Variants in DISC1 observed in about 807,000 individuals in gnomAD.
DISC1 encodes DISC1 scaffold protein.
Under a neutral mutation model 84.5 loss-of-function variants are expected in DISC1, and 57 were observed. The ratio of observed to expected loss-of-function variants is 0.67; its 90% CI spans 0.55 to 0.84. The LOEUF (loss-of-function observed/expected upper bound fraction) is 0.84, where lower values mean the gene tolerates loss of function less well. Ranked by LOEUF, DISC1 falls within the 40% of genes least tolerant of loss-of-function variation. The pLI is 0.00. For synonymous variants in DISC1, 411 were observed against 415.2 expected, an observed-to-expected ratio of 0.99 and a Z score of 0.12; for missense variants, 1,000 against 1,057.8, an observed-to-expected ratio of 0.95 and a Z score of 0.76.
chr1:231,785,521 C>T (rs1446084858), intron 6 of DISC1, among the ~76,000 whole-genome samples: 3 of 151,712 alleles, frequency 2.0e-5, no homozygotes, highest in South Asian at 2.1e-4. Flanking sequence ...CTTGAACTCC[C>T]GCGCTCAAGT....
chr1:231,754,063 A>G (rs1171917458), intron 4 of DISC1, among the ~76,000 whole-genome samples: 2 of 152,112 alleles, frequency 1.3e-5, no homozygotes, highest in African/African-American at 4.8e-5. Context: ...TAACCATTCA[A>G]TCAGTTTCTA....
chr1:231,994,153 G>T (rs1665594640), intron 10 of DISC1, among the ~76,000 whole-genome samples: 1 of 152,230 alleles, frequency 6.6e-6, no homozygotes, highest in Non-Finnish European at 1.5e-5. Context: ...ATTTGGGAAG[G>T]TCTTGCCTGG....
chr1:231,991,522 A>G (rs749698772), intron 10 of DISC1, among the ~76,000 whole-genome samples: 21 of 152,192 alleles, frequency 1.4e-4, no homozygotes, highest in Non-Finnish European at 2.6e-4. Context: ...AAGGGCACTT[A>G]CTAGGAAGCC....
chr1:231,897,077 A>G lies in DISC1; in HGVS notation c.1982-61751A>G, dbSNP rs2087751295. Among the ~76,000 whole-genome samples, 1 of 152,178 alleles carries G rather than the reference A, an allele frequency of 6.6e-6. No individual in the cohort carries two copies. Among genetic ancestry groups the G allele is most frequent in the Non-Finnish European group, 1.5e-5 (1 of 68,032 alleles). Reference sequence around the variant, plus strand: ...ACAGCAGGAGTGAAGAAGGAGCTGGAAGGGGAAGGTGGGGATTCAGTTTGC... The same window carrying G: ...ACAGCAGGAGTGAAGAAGGAGCTGGGAGGGGAAGGTGGGGATTCAGTTTGC... On this transcript the variant is annotated intron_variant, in intron 9 of 12. Coordinates refer to ENST00000439617, the MANE Select transcript of DISC1 (RefSeq NM_018662.3). This position sits in a 1 kb window ranked among gnomAD's most constrained non-coding sequence, Gnocchi z 4.5.
intron 9 of DISC1, among the ~76,000 whole-genome samples, chr1:231,824,815 ATC>A (rs1056258284): frequency 5.3e-5 from 8 of 152,154 alleles, no homozygotes; most frequent in African/African-American, 1.4e-4. Flanking sequence ...ACTGAATTTT[ATC>A]TGAGTCTCAG....
chr1:231,764,829 G>A (rs1033962706), intron 4 of DISC1, among the ~76,000 whole-genome samples: 5 of 152,122 alleles, frequency 3.3e-5, no homozygotes, highest in Non-Finnish European at 2.9e-5. Context: ...TATGGTTTGG[G>A]AAAACCTTTG....
chr1:232,031,321 A>AAAAGG lies in DISC1; in HGVS notation c.2425+4778_2425+4782dup, dbSNP rs763079580. Among the ~76,000 whole-genome samples the AAAAGG allele has an allele frequency of 1.3e-3, 189 of 144,320 alleles. 1 individual carries two copies. The highest frequency in any genetic ancestry group is 2.1e-3 in the Non-Finnish European group (135 of 64,592). 94.7% of individuals were successfully genotyped at this position (144,320 alleles called of 152,430 possible). A position where few individuals can be genotyped will look rare whatever the true frequency, so the allele number is the denominator to read the frequency against. ...GAAGGAAGGAGAGAGGGAAGGAGAG[A>AAAAGG]AAAGGAAAGGAAAAGGAAAAGAGGA... On this transcript the variant is annotated intron_variant, in intron 12 of 12. Transcript: ENST00000439617. The surrounding 1 kb of genome is among the most constrained non-coding windows in gnomAD (Gnocchi z 4.6).
At chr1:231,887,389 G>A (rs2086850019) in intron 9 of DISC1, among the ~76,000 whole-genome samples, 1 of 152,182 alleles carries the variant, frequency 6.6e-6, no homozygotes, top group Non-Finnish European at 1.5e-5. Flanking sequence ...GAGTTATGTA[G>A]CGTTGACTTG....
intron 9 of DISC1, among the ~76,000 whole-genome samples, chr1:231,868,735 T>TATATATATATATATATATATA (rs2085244887): frequency 6.6e-5 from 8 of 120,602 alleles, no homozygotes; most frequent in East Asian, 2.4e-4. Flanking sequence ...TATATATATA[T>TATATATATATATATATATATA]TTAGCTGGGC....
chr1:231,676,906 G>A (rs1369704331), intron 1 of DISC1, among the ~76,000 whole-genome samples: 1 of 152,224 alleles, frequency 6.6e-6, no homozygotes, highest in Admixed American at 6.5e-5. Context: ...GGGTTAGAAA[G>A]CTAGTCCAGA....
At chr1:231,958,084 G>A (rs1431412899) in intron 9 of DISC1, among the ~76,000 whole-genome samples, 1 of 152,212 alleles carries the variant, frequency 6.6e-6, no homozygotes, top group Non-Finnish European at 1.5e-5. Context: ...CCCCTTGGCT[G>A]CAGGTGTTCT....
intron 11 of DISC1, among the ~76,000 whole-genome samples, chr1:232,015,471 T>C (rs1305563276): frequency 6.6e-6 from 1 of 152,116 alleles, no homozygotes; most frequent in Non-Finnish European, 1.5e-5. Context: ...GGAGGTGTTA[T>C]CCAATGAATC....
chr1:231,958,215 G>A (rs201237661), intron 9 of DISC1, among the ~76,000 whole-genome samples: 9 of 152,226 alleles, frequency 5.9e-5, no homozygotes, highest in African/African-American at 1.4e-4. Flanking sequence ...TATCCGTAAA[G>A]TGCCTCTTTG....
rs139548942 is a variant in DISC1, at chr1:231,749,862, C to T, written c.1118-64C>T. On this transcript the variant is annotated intron_variant, in intron 3 of 12. Transcript: ENST00000439617. ...CACTACAACTGGAGCTAAGAGACAC[C>T]GGGGTTATCTATTTTGCATTTCATG... 4.0e-4 allele frequency: 640 copies of T among 1,608,502 alleles called. 7 individuals are homozygous for T. In the African/African-American group the frequency reaches 6.5e-3, roughly 16 times the overall value.
intron 6 of DISC1, among the ~76,000 whole-genome samples, chr1:231,787,797 A>T (rs2078008167): frequency 6.6e-6 from 1 of 152,172 alleles, no homozygotes; most frequent in Non-Finnish European, 1.5e-5. Flanking sequence ...AGGCTCCCAG[A>T]TGAGACCACT....
In DISC1 at chr1:231,689,584, C is replaced by T. The variant is rs1977793; in HGVS notation, c.68-4242C>T. Among the ~76,000 whole-genome samples, 102 of 151,922 alleles carry T rather than the reference C, an allele frequency of 6.7e-4. 1 individual carries two copies. Among genetic ancestry groups the T allele is most frequent in the African/African-American group, 2.0e-3 (83 of 41,394 alleles). On this transcript the variant is annotated intron_variant, in intron 1 of 12. Transcript: ENST00000439617. Reference sequence around the variant, plus strand: ...TGACCTCAAGTGATCCACCCACCTCCGCCTCCCAAAGTGCTGGGATTACAG... The same window carrying T: ...TGACCTCAAGTGATCCACCCACCTCTGCCTCCCAAAGTGCTGGGATTACAG...
intron 9 of DISC1, among the ~76,000 whole-genome samples, chr1:231,852,862 A>G (rs914916546): frequency 6.6e-6 from 1 of 152,234 alleles, no homozygotes; most frequent in African/African-American, 2.4e-5. Flanking sequence ...TTTAACATGA[A>G]AAAGAAATAG....
At chr1:231,637,200 A>G (rs2059273992) in intron 1 of DISC1, among the ~76,000 whole-genome samples, 2 of 152,168 alleles carry the variant, frequency 1.3e-5, no homozygotes, top group Admixed American at 6.5e-5. Context: ...TACCCGGTCT[A>G]TCATTGATGG....
intron 9 of DISC1, among the ~76,000 whole-genome samples, chr1:231,820,303 T>C (rs2081394234): frequency 6.6e-6 from 1 of 152,180 alleles, no homozygotes; most frequent in Non-Finnish European, 1.5e-5. Flanking sequence ...GTGATAAAAC[T>C]GGGGCAAAGT....
Sources: allele counts gnomAD v4.1 joint callset (sites outside exome capture counted in the v4.1 genomes callset), GRCh38; gene constraint gnomAD v4.1.1; non-coding constraint Gnocchi (gnomAD v3.1); transcripts MANE v1.5; gene names NCBI Gene and HGNC (gene_info 2026-07-23, HGNC 2026-07-21).